Variants in CERT1 observed in about 807,000 individuals in gnomAD.
The protein encoded by CERT1 is ceramide transfer protein.
CERT1 carries 31 observed loss-of-function variants against 87.9 expected under a neutral mutation model. The observed-to-expected ratio is 0.35, with a 90% CI of 0.27 to 0.48. The LOEUF (loss-of-function observed/expected upper bound fraction) is 0.48. Among genes scored for constraint, CERT1 ranks in the 20% least tolerant of loss-of-function variants. The probability of loss-of-function intolerance (pLI) is 0.99; values close to 1 mark genes in which losing one functional copy is unlikely to be tolerated. For synonymous variants in CERT1, 289 were observed against 250.9 expected (o/e 1.15, Z -1.44); for missense variants, 487 against 758.0 (o/e 0.64, Z 4.20).
chr5:75,481,118 C>T (rs1192071439), intron 2 of CERT1, among the ~76,000 whole-genome samples: 2 of 152,194 alleles, frequency 1.3e-5, no homozygotes, highest in African/African-American at 4.8e-5. Context: ...CTCTCCACAA[C>T]CAGGCCTCAC....
intron 2 of CERT1, 57 bp downstream of exon 2, chr5:75,505,925 T>C: frequency 7.2e-7 from 1 of 1,384,378 alleles, no homozygotes. Flanking sequence ...GAACAGTTCC[T>C]GGTATGTAGC....
At chr5:75,407,671 T>C (rs1400109006) in intron 8 of CERT1, among the ~76,000 whole-genome samples, 2 of 152,088 alleles carry the variant, frequency 1.3e-5, no homozygotes, top group East Asian at 3.9e-4. Context: ...TGGAGGCCAT[T>C]ATCCAAAGTG....
chr5:75,511,395 C>A lies in CERT1; in HGVS notation c.-188G>T. ...CCGCCGCGCCTGACACCGAGCGGAG[C>A]GAGGAAGGAGGACGAGCGGTGAAGG... On this transcript the variant is annotated 5_prime_UTR_variant, in exon 1 of 17. Coordinates refer to ENST00000643780, the MANE Select transcript of CERT1 (RefSeq NM_001379029.1). 6.5e-7 allele frequency: 1 copy of A among 1,546,178 alleles called. No homozygotes were observed. The highest frequency in any genetic ancestry group is 8.7e-7 in the Non-Finnish European group (1 of 1,145,732).
At chr5:75,412,795 A>G (rs1343095677) in intron 7 of CERT1, among the ~76,000 whole-genome samples, 1 of 152,212 alleles carries the variant, frequency 6.6e-6, no homozygotes, top group East Asian at 1.9e-4. Flanking sequence ...GAAGTTCCTC[A>G]GGGTGAGTGA....
At chr5:75,453,242 A>C (rs1328937406) in intron 3 of CERT1, among the ~76,000 whole-genome samples, 1 of 152,188 alleles carries the variant, frequency 6.6e-6, no homozygotes, top group Non-Finnish European at 1.5e-5. Context: ...AAGGGGGAAA[A>C]GCCTTCAAAT....
chr5:75,389,090 C>T (rs1321450274), intron 12 of CERT1, among the ~76,000 whole-genome samples: 3 of 151,922 alleles, frequency 2.0e-5, no homozygotes, highest in Non-Finnish European at 4.4e-5. Flanking sequence ...TCTCTCAGTC[C>T]CTGCTCTTAT....
downstream of CERT1, chr5:75,375,614 TAAATAAATAAATAAATA>T (rs1271789337): frequency 4.2e-5 from 6 of 143,762 alleles, no homozygotes; most frequent in Non-Finnish European, 7.5e-5. Flanking sequence ...AATAAATAAA[TAAATAAATAAATAAATA>T]AAATAAATAA....
chr5:75,393,618 AAAAAAG>A (rs1762119687), intron 11 of CERT1, among the ~76,000 whole-genome samples: 1 of 144,518 alleles, frequency 6.9e-6, no homozygotes, highest in African/African-American at 2.5e-5. Context: ...AAAAAAAAAA[AAAAAAG>A]AAAGTCTAGA....
intron 5 of CERT1, among the ~76,000 whole-genome samples, chr5:75,423,947 A>T (rs1763494663): frequency 6.6e-6 from 1 of 152,158 alleles, no homozygotes; most frequent in African/African-American, 2.4e-5. Flanking sequence ...TCCAGATCAA[A>T]CACATTTAAT....
intron 6 of CERT1, among the ~76,000 whole-genome samples, chr5:75,419,107 T>A (rs1308387882): frequency 1.4e-4 from 21 of 152,144 alleles, no homozygotes. Flanking sequence ...GGGAAAAAAA[T>A]TGTCTTTTCA....
intron 12 of CERT1, among the ~76,000 whole-genome samples, chr5:75,388,259 T>C (rs1761880190): frequency 6.6e-6 from 1 of 152,166 alleles, no homozygotes; most frequent in African/African-American, 2.4e-5. Context: ...TCTTATGTCT[T>C]ACTTTGTTCC....
At chr5:75,435,326 C>T (rs138664176) in intron 3 of CERT1, among the ~76,000 whole-genome samples, 2 of 152,298 alleles carry the variant, frequency 1.3e-5, no homozygotes, top group East Asian at 3.9e-4. Context: ...ATCTTTCAAC[C>T]CTTGGACTGT....
At chr5:75,434,230 G>A (rs1215556836) in intron 3 of CERT1, among the ~76,000 whole-genome samples, 2 of 145,376 alleles carry the variant, frequency 1.4e-5, no homozygotes, top group Non-Finnish European at 3.0e-5. Context: ...TTTAATCTAA[G>A]GCCTTTCCTG....
intron 7 of CERT1, among the ~76,000 whole-genome samples, chr5:75,413,047 T>C (rs1351061203): frequency 6.6e-6 from 1 of 152,212 alleles, no homozygotes; most frequent in African/African-American, 2.4e-5. Flanking sequence ...ATTTTCTTTA[T>C]ACTGTATTCT....
intron 2 of CERT1, among the ~76,000 whole-genome samples, chr5:75,485,312 C>CAAAAAAAAAAAAAAAAAA (rs757349878): frequency 1.5e-3 from 69 of 46,410 alleles, no homozygotes; most frequent in Admixed American, 2.2e-3. Context: ...CACAAAAATA[C>CAAAAAAAAAAAAAAAAAA]AAAAAAAAAA....
At chr5:75,400,571 C>A in intron 9 of CERT1, 1 of 330,154 alleles carries the variant, frequency 3.0e-6, no homozygotes, top group Non-Finnish European at 5.5e-6. Flanking sequence ...CTGCTACCTG[C>A]ATAGCATTAT....
intron 5 of CERT1, among the ~76,000 whole-genome samples, chr5:75,420,281 A>T (rs115447068): frequency 0.026 from 3,927 of 151,546 alleles, 148 homozygotes; most frequent in African/African-American, 0.085. Context: ...CCCAGGCGAG[A>T]GTTCTTATAT....
chr5:75,493,516 G>A (rs1367335828), intron 2 of CERT1, among the ~76,000 whole-genome samples: 3 of 152,134 alleles, frequency 2.0e-5, no homozygotes, highest in African/African-American at 7.2e-5. Flanking sequence ...TTAGTTTCCA[G>A]CACTGCTTTT....
At chr5:75,426,729 G>A (rs1763634391) in intron 3 of CERT1, among the ~76,000 whole-genome samples, 1 of 152,164 alleles carries the variant, frequency 6.6e-6, no homozygotes, top group Non-Finnish European at 1.5e-5. Context: ...GAAAACTAAA[G>A]TAGTCAAATT....
Sources: allele counts gnomAD v4.1 joint callset (sites outside exome capture counted in the v4.1 genomes callset), GRCh38; gene constraint gnomAD v4.1.1; transcripts MANE v1.5; gene names NCBI Gene and HGNC (gene_info 2026-07-23, HGNC 2026-07-21).